SLC25A48: variants seen among roughly 807,000 people sequenced by gnomAD.
SLC25A48 encodes the protein solute carrier family 25 member 48.
SLC25A48 carries 29 observed loss-of-function variants against 32.2 expected under a neutral mutation model. That is an observed-to-expected ratio of 0.90 (90% CI 0.67 to 1.23). The LOEUF is 1.23. SLC25A48 is among the 50% of genes most tolerant of loss of function. SLC25A48 has a pLI of 0.00. For synonymous variants in SLC25A48, 164 were observed against 172.3 expected (o/e 0.95, Z 0.38); for missense variants, 399 against 422.7 (o/e 0.94, Z 0.49).
chr5:135,830,664 C>T (rs760711639), upstream of SLC25A48, among the ~76,000 whole-genome samples: 1 of 152,240 alleles, frequency 6.6e-6, no homozygotes, highest in Non-Finnish European at 1.5e-5. Context: ...TGCTCCTTTT[C>T]CTTCCCATCA....
chr5:135,741,744 C>G (rs1487616403), intron 3 of SLC25A48, among the ~76,000 whole-genome samples: 1 of 151,978 alleles, frequency 6.6e-6, no homozygotes, highest in Non-Finnish European at 1.5e-5. Context: ...CTCTCTCAAA[C>G]AAAAAACATT....
upstream of SLC25A48, among the ~76,000 whole-genome samples, chr5:135,831,888 G>A (rs1758220984): frequency 6.6e-6 from 1 of 152,206 alleles, no homozygotes; most frequent in African/African-American, 2.4e-5. Flanking sequence ...TGTGATCCAG[G>A]CAGGGCAGTG....
intron 7 of SLC25A48, among the ~76,000 whole-genome samples, chr5:135,886,641 T>TAAATAAA (rs397935705): frequency 5.6e-5 from 1 of 17,912 alleles, no homozygotes; most frequent in Non-Finnish European, 8.6e-5. Context: ...ATATATAAAA[T>TAAATAAA]ATATATATGT....
intron 3 of SLC25A48, among the ~76,000 whole-genome samples, chr5:135,810,524 A>G (rs1024081391): frequency 6.6e-6 from 1 of 152,178 alleles, no homozygotes; most frequent in Non-Finnish European, 1.5e-5. Flanking sequence ...TGACAGAAAA[A>G]TAAATTCCTG....
chr5:135,845,962 C>T (rs567179722), intron 2 of SLC25A48, among the ~76,000 whole-genome samples: 1 of 152,236 alleles, frequency 6.6e-6, no homozygotes, highest in African/African-American at 2.4e-5. Context: ...GCCTCTAGAC[C>T]AGGGGTCCCC....
chr5:135,861,748 C>A (rs775565317), intron 4 of SLC25A48, among the ~76,000 whole-genome samples: 8 of 152,076 alleles, frequency 5.3e-5, no homozygotes, highest in Non-Finnish European at 1.0e-4. Context: ...CTCTTTGATT[C>A]ATGAGTGGGA....
chr5:135,813,947 C>T (rs9986157), intron 4 of SLC25A48, among the ~76,000 whole-genome samples: 53,637 of 152,004 alleles, frequency 0.35, 9,603 homozygotes, highest in East Asian at 0.44. Context: ...AGTGAATCCC[C>T]GAGAAAGAAA....
chr5:135,782,354 C>T lies in SLC25A48; in HGVS notation c.-520-30169C>T, dbSNP rs1481117955. On this transcript the variant is annotated intron_variant, in intron 3 of 10. Transcript: ENST00000646290. ...AATATTGCAGGGTGTGTACACCCCCCTTTCTCGTTCCTAATACCCAGGATG... is the reference window on the plus strand; with the variant it reads ...AATATTGCAGGGTGTGTACACCCCCTTTTCTCGTTCCTAATACCCAGGATG... Among the ~76,000 whole-genome samples the T allele has an allele frequency of 2.6e-5, 3 of 116,800 alleles. 1 individual carries two copies. Among genetic ancestry groups the T allele is most frequent in the East Asian group, 4.3e-4 (2 of 4,646 alleles). The allele number at this position is 116,800 out of a possible 152,430, so 76.6% of individuals were successfully genotyped here.
rs189291888 is a variant in SLC25A48 at position 135,684,285 on chromosome 5, T to G, written c.-521+49329T>G. Among the ~76,000 whole-genome samples the G allele has an allele frequency of 1.6e-3, 247 of 152,296 alleles. 1 individual carries two copies. Among genetic ancestry groups the G allele is most frequent in the African/African-American group, 5.8e-3 (239 of 41,560 alleles). ...GGTATGTCAGTGTGCAATTCTTTAA[T>G]TTTTACTCCCTTCTCCCCCTTTTTT... On this transcript the variant is annotated intron_variant, in intron 3 of 10. Coordinates refer to the SLC25A48 transcript ENST00000646290.
chr5:135,609,624 A>T (rs984516710), intron 1 of SLC25A48: 1 of 152,232 alleles, frequency 6.6e-6, no homozygotes, highest in African/African-American at 2.4e-5. Context: ...ACGCAGAATG[A>T]GTTCCATTGA....
intron 3 of SLC25A48, among the ~76,000 whole-genome samples, chr5:135,734,024 G>A (rs911160181): frequency 1.3e-5 from 2 of 149,174 alleles, no homozygotes; most frequent in South Asian, 4.1e-4. Flanking sequence ...GGAATTGTAA[G>A]GAGAGATTTT....
rs1350745848 is a variant in SLC25A48 at position 135,712,628 on chromosome 5, C to A, written c.-521+77672C>A. 2.0e-3 allele frequency among the ~76,000 whole-genome samples: 308 copies of A among 152,296 alleles called. 4 individuals are homozygous for A. Among genetic ancestry groups the A allele is most frequent in the African/African-American group, 7.2e-3 (301 of 41,560 alleles). On this transcript the variant is annotated intron_variant, in intron 3 of 10. Coordinates refer to the SLC25A48 transcript ENST00000646290. ...GGCTTATGCCTGGTTATTCCCTCAA[C>A]CCAAACAGTTTCAACTGAGGCTCAC...
At chr5:135,658,480 G>T (rs1753307167) in intron 3 of SLC25A48, among the ~76,000 whole-genome samples, 1 of 152,214 alleles carries the variant, frequency 6.6e-6, no homozygotes, top group African/African-American at 2.4e-5. Flanking sequence ...TTGAGTGCCT[G>T]CAGCCTTTCC....
intron 3 of SLC25A48, among the ~76,000 whole-genome samples, chr5:135,721,012 A>G (rs1434106620): frequency 2.0e-5 from 3 of 151,878 alleles, no homozygotes; most frequent in African/African-American, 7.3e-5. Flanking sequence ...ACCTGGCTAG[A>G]GGGCTCTGAG....
intron 1 of SLC25A48, among the ~76,000 whole-genome samples, chr5:135,838,533 C>T (rs1758724386): frequency 6.6e-6 from 1 of 152,160 alleles, no homozygotes; most frequent in South Asian, 2.1e-4. Context: ...TGGTGACAGC[C>T]CCTCCCATCA....
chr5:135,804,825 T>G (rs1757426071), intron 3 of SLC25A48, among the ~76,000 whole-genome samples: 1 of 151,836 alleles, frequency 6.6e-6, no homozygotes, highest in East Asian at 1.9e-4. Context: ...ACAGTGGGTG[T>G]ACACCCTGAC....
intron 3 of SLC25A48, among the ~76,000 whole-genome samples, chr5:135,765,241 C>T (rs1262129437): frequency 6.6e-6 from 1 of 151,658 alleles, no homozygotes; most frequent in Non-Finnish European, 1.5e-5. Context: ...TATTACTCCC[C>T]ACATCGCAGG....
intron 4 of SLC25A48, chr5:135,826,122 A>AC (rs1261961957): frequency 1.3e-5 from 2 of 151,350 alleles, no homozygotes; most frequent in Admixed American, 1.3e-4. Flanking sequence ...GGGGCATCCT[A>AC]CCCCCCTTAC....
intron 3 of SLC25A48, among the ~76,000 whole-genome samples, chr5:135,740,918 A>G (rs1755488793): frequency 6.6e-6 from 1 of 152,220 alleles, no homozygotes; most frequent in Non-Finnish European, 1.5e-5. Flanking sequence ...TATATTTTGA[A>G]TCTACTCAAT....
Sources: gnomAD v4.1 joint callset for allele counts (sites outside exome capture counted in the v4.1 genomes callset) on GRCh38, gnomAD v4.1.1 for gene constraint, MANE v1.5 for transcripts, NCBI Gene and HGNC (gene_info 2026-07-23, HGNC 2026-07-21) for gene names.